The following DDR2 variants were observed in gnomAD, a reference collection of about 807,000 sequenced individuals.
DDR2 encodes discoidin domain receptor tyrosine kinase 2.
DDR2 carries 27 observed loss-of-function variants against 94.9 expected under a neutral mutation model. The ratio of observed to expected loss-of-function variants is 0.28; its 90% CI spans 0.21 to 0.39. The LOEUF (loss-of-function observed/expected upper bound fraction) is 0.39, where lower values mean the gene tolerates loss of function less well. Ranked by LOEUF, DDR2 falls within the 10% of genes least tolerant of loss-of-function variation. The probability of loss-of-function intolerance (pLI) is 1.00; values close to 1 mark genes in which losing one functional copy is unlikely to be tolerated. For missense variants in DDR2, 783 were observed against 1,076.0 expected (o/e 0.73, Z 3.81); for synonymous variants, 382 against 377.2 (o/e 1.01, Z -0.15).
At chr1:162,732,244 C>T (rs1662089367) in intron 3 of DDR2, among the ~76,000 whole-genome samples, 1 of 152,140 alleles carries the variant, frequency 6.6e-6, no homozygotes, top group African/African-American at 2.4e-5. Flanking sequence ...AAGAAAGAAA[C>T]CCAAATAATC....
At chr1:162,709,409 G>A (rs1333270728) in intron 2 of DDR2, among the ~76,000 whole-genome samples, 1 of 152,250 alleles carries the variant, frequency 6.6e-6, no homozygotes, top group East Asian at 1.9e-4. Flanking sequence ...TGGAATACCA[G>A]GGGCCTGGCC....
At chr1:162,775,927 G>T in intron 15 of DDR2, 84 bp downstream of exon 15, 1 of 1,560,044 alleles carries the variant, frequency 6.4e-7, no homozygotes, top group Non-Finnish European at 8.8e-7. Context: ...GAGCCTTAAA[G>T]TGTATCAATG....
rs1647509414 is a variant in DDR2 at position 162,775,778 on chromosome 1, T to A, written c.1983T>A (p.Asp661Glu). The A allele has an allele frequency of 6.2e-7, 1 of 1,613,976 alleles. No individual in the cohort carries two copies. The highest frequency in any genetic ancestry group is 8.5e-7 in the Non-Finnish European group (1 of 1,180,014). Residue 661 changes from aspartate (D) to glutamate (E), a missense_variant, in exon 15 of 18, where the codon GAT (aspartate) becomes GAA (glutamate). Asp to Glu is a conservative substitution (Grantham distance 45, BLOSUM62 2). Transcript: ENST00000367921. ...CMITEYMENG[D>E]LNQFLSRHEP... ...TCACTGAATACATGGAGAATGGAGA[T>A]CTCAATCAGTTTCTTTCCCGCCACG...
intron 16 of DDR2, among the ~76,000 whole-genome samples, chr1:162,777,222 A>G (rs1479331302): frequency 6.6e-6 from 1 of 152,094 alleles, no homozygotes; most frequent in Non-Finnish European, 1.5e-5. Context: ...TTTTTTCTAT[A>G]CATATATTTT....
intron 2 of DDR2, among the ~76,000 whole-genome samples, chr1:162,660,656 G>T (rs1658247144): frequency 6.6e-6 from 1 of 152,160 alleles, no homozygotes. Context: ...TAACATCAAA[G>T]CAGCAACTTC....
At chr1:162,652,953 A>C (rs1000067005) in intron 1 of DDR2, among the ~76,000 whole-genome samples, 1 of 152,100 alleles carries the variant, frequency 6.6e-6, no homozygotes, top group Non-Finnish European at 1.5e-5. Flanking sequence ...AAAAAATACA[A>C]AAGTTAGCTG....
chr1:162,647,384 A>T (rs1490885038), intron 1 of DDR2, among the ~76,000 whole-genome samples: 1 of 150,464 alleles, frequency 6.6e-6, no homozygotes, highest in African/African-American at 2.5e-5. Context: ...GTCAATATGG[A>T]TTTGTTACCG....
intron 1 of DDR2, among the ~76,000 whole-genome samples, chr1:162,653,995 G>C (rs1168251239): frequency 6.6e-6 from 1 of 152,160 alleles, no homozygotes; most frequent in African/African-American, 2.4e-5. Flanking sequence ...TATTGTTATA[G>C]AGAGTTATAT....
intron 2 of DDR2, among the ~76,000 whole-genome samples, chr1:162,664,159 T>C (rs1302890448): frequency 6.6e-6 from 1 of 152,094 alleles, no homozygotes; most frequent in East Asian, 1.9e-4. Context: ...ACAAACTAAT[T>C]TTATGAAGAC....
intron 2 of DDR2, among the ~76,000 whole-genome samples, chr1:162,697,292 A>G (rs1660238806): frequency 6.6e-6 from 1 of 152,146 alleles, no homozygotes; most frequent in South Asian, 2.1e-4. Context: ...CACCTCAACT[A>G]TTGGAGCCCA....
chr1:162,725,798 C>G (rs1661637334), intron 3 of DDR2, among the ~76,000 whole-genome samples: 1 of 152,136 alleles, frequency 6.6e-6, no homozygotes, highest in Non-Finnish European at 1.5e-5. Context: ...AAATTGCATC[C>G]CAAACTTAAT....
At chr1:162,718,024 T>G (rs1471150122) in intron 2 of DDR2, among the ~76,000 whole-genome samples, 1 of 152,228 alleles carries the variant, frequency 6.6e-6, no homozygotes, top group Admixed American at 6.5e-5. Flanking sequence ...TCTTTTGCAT[T>G]GGAAATGTGC....
At chr1:162,659,804 T>C (rs538859016) in intron 2 of DDR2, among the ~76,000 whole-genome samples, 31 of 152,332 alleles carry the variant, frequency 2.0e-4, no homozygotes, top group Admixed American at 3.9e-4. Flanking sequence ...AAGGATTTTC[T>C]AAGGTCTCAA....
chr1:162,682,526 G>A (rs1191816563), intron 2 of DDR2, among the ~76,000 whole-genome samples: 1 of 152,204 alleles, frequency 6.6e-6, no homozygotes, highest in Admixed American at 6.5e-5. Flanking sequence ...AATTCTAGGG[G>A]TGAGAATGAG....
At position 162,773,850 on chromosome 1, in the gene DDR2, C is replaced by G. The variant is rs143318790; in HGVS notation, c.1856+254C>G. Among the ~76,000 whole-genome samples, 15 of 152,308 alleles carry G rather than the reference C, an allele frequency of 9.8e-5. No homozygotes were observed. In the East Asian group the frequency reaches 2.7e-3, roughly 27 times the overall value. On this transcript the variant is annotated intron_variant, in intron 14 of 17. Coordinates refer to ENST00000367921, the MANE Select transcript of DDR2 (RefSeq NM_006182.4). Reference sequence around the variant, plus strand: ...TACTTCCTAACCCCCTGTGCACAAGCACTGTACTTGTTCCCAACATATACA... The same window carrying G: ...TACTTCCTAACCCCCTGTGCACAAGGACTGTACTTGTTCCCAACATATACA...
At chr1:162,744,090 C>A (rs1275990000) in intron 3 of DDR2, among the ~76,000 whole-genome samples, 2 of 152,048 alleles carry the variant, frequency 1.3e-5, no homozygotes, top group African/African-American at 4.8e-5. Context: ...TAGGGTAGGA[C>A]AAGTGAAGTG....
chr1:162,698,174 C>T (rs1660271046), intron 2 of DDR2, among the ~76,000 whole-genome samples: 1 of 152,154 alleles, frequency 6.6e-6, no homozygotes, highest in African/African-American at 2.4e-5. Flanking sequence ...GAAGGGAAAA[C>T]AGAGAAGGTG....
At chr1:162,760,056 A>T (rs1162756510) in intron 8 of DDR2, 77 bp downstream of exon 8, 1 of 1,600,636 alleles carries the variant, frequency 6.2e-7, no homozygotes, top group African/African-American at 1.3e-5. Context: ...GCATGCTAGA[A>T]AAAAGTCTAG....
At chr1:162,751,923 A>G (rs987749176) in intron 3 of DDR2, among the ~76,000 whole-genome samples, 4 of 152,118 alleles carry the variant, frequency 2.6e-5, no homozygotes, top group South Asian at 4.1e-4. Context: ...GCATGTTCTC[A>G]CTCATGAGTG....
Sources: gnomAD v4.1 joint callset for allele counts (sites outside exome capture counted in the v4.1 genomes callset) on GRCh38, gnomAD v4.1.1 for gene constraint, MANE v1.5 for transcripts, NCBI Gene and HGNC (gene_info 2026-07-23, HGNC 2026-07-21) for gene names.